DCHS2: variants seen among roughly 807,000 people sequenced by gnomAD.
The protein encoded by DCHS2 is protocadherin-23.
DCHS2 carries 142 observed loss-of-function variants against 182.4 expected under a neutral mutation model. That is an observed-to-expected ratio of 0.78 (90% CI 0.68 to 0.89). The LOEUF (loss-of-function observed/expected upper bound fraction) is 0.89, where lower values mean the gene tolerates loss of function less well. Among genes scored for constraint, DCHS2 ranks in the 40% least tolerant of loss-of-function variants. The probability of loss-of-function intolerance (pLI) is 0.00; values close to 1 mark genes in which losing one functional copy is unlikely to be tolerated. For synonymous variants in DCHS2, 1,740 were observed against 1,663.3 expected (o/e 1.05, Z -1.12); for missense variants, 4,319 against 4,198.6 (o/e 1.03, Z -0.79).
At chr4:154,283,456 C>CA (rs70947155) in intron 13 of DCHS2, among the ~76,000 whole-genome samples, 49,592 of 126,604 alleles carry the variant, frequency 0.39, 8,737 homozygotes, top group Non-Finnish European at 0.46. Flanking sequence ...TAAGTTTAAG[C>CA]AAAAAAAAAA....
intron 9 of DCHS2, among the ~76,000 whole-genome samples, chr4:154,318,678 C>G (rs1458959655): frequency 1.3e-5 from 2 of 151,836 alleles, no homozygotes; most frequent in Non-Finnish European, 2.9e-5. Flanking sequence ...TTGAAAGCCA[C>G]AAAACAATGA....
At chr4:154,259,435 G>C in intron 15 of DCHS2, 110 bp downstream of exon 15, 1 of 1,502,620 alleles carries the variant, frequency 6.7e-7, no homozygotes, top group Non-Finnish European at 8.9e-7. Context: ...TGTACTACAG[G>C]GATTAGAAAT....
intron 1 of DCHS2, among the ~76,000 whole-genome samples, chr4:154,477,477 G>T (rs1166912762): frequency 1.3e-5 from 2 of 152,184 alleles, no homozygotes; most frequent in African/African-American, 4.8e-5. Flanking sequence ...GAGGACTGGG[G>T]AAGAGTCCCT....
At chr4:154,278,507 T>C (rs1733974309) in intron 13 of DCHS2, among the ~76,000 whole-genome samples, 1 of 151,370 alleles carries the variant, frequency 6.6e-6, no homozygotes, top group Non-Finnish European at 1.5e-5. Flanking sequence ...AAAATAGACA[T>C]CCATATTCAT....
At chr4:154,258,186 G>A (rs1234166122) in intron 15 of DCHS2, among the ~76,000 whole-genome samples, 1 of 152,144 alleles carries the variant, frequency 6.6e-6, no homozygotes, top group Non-Finnish European at 1.5e-5. Flanking sequence ...GGTGACTAGA[G>A]CAATCAGGCT....
chr4:154,463,325 C>T (rs557586654), intron 1 of DCHS2, among the ~76,000 whole-genome samples: 40 of 151,950 alleles, frequency 2.6e-4, no homozygotes, highest in African/African-American at 9.2e-4. Flanking sequence ...ATTATATAGG[C>T]TTTTTTCCCC....
In DCHS2 at chr4:154,469,014, C is replaced by CAA. The variant is rs527690691; in HGVS notation, c.2052+20288_2052+20289dup. On this transcript the variant is annotated intron_variant, in intron 1 of 19. Transcript: ENST00000357232. ...ATCATTTCACAACTTACATATATAT[C>CAA]AAAACATCAAGTTGTACACCTTAAA... Among the ~76,000 whole-genome samples the CAA allele has an allele frequency of 4.5e-4, 69 of 152,120 alleles. No homozygotes were observed. In the East Asian group the frequency reaches 0.013, roughly 29 times the overall value.
At chr4:154,341,368 CAAA>C (rs369958308) in intron 3 of DCHS2, among the ~76,000 whole-genome samples, 1 of 58,554 alleles carries the variant, frequency 1.7e-5, no homozygotes. Flanking sequence ...GACTCTGTCT[CAAA>C]AAAAAAAAAA....
intron 7 of DCHS2, among the ~76,000 whole-genome samples, chr4:154,327,279 C>G (rs554268728): frequency 4.9e-4 from 74 of 152,248 alleles, no homozygotes; most frequent in African/African-American, 1.7e-3. Context: ...GCTCCTACCC[C>G]CTTTCATTTT....
At chr4:154,352,892 G>C (rs539869345) in intron 3 of DCHS2, among the ~76,000 whole-genome samples, 2 of 152,266 alleles carry the variant, frequency 1.3e-5, no homozygotes, top group African/African-American at 4.8e-5. Flanking sequence ...CCATTTGAGG[G>C]TAGGGGCAGA....
intron 13 of DCHS2, among the ~76,000 whole-genome samples, chr4:154,291,200 T>C (rs932994931): frequency 3.3e-5 from 5 of 152,080 alleles, no homozygotes; most frequent in African/African-American, 7.2e-5. Flanking sequence ...CTCAACACCA[T>C]TGATTATCAG....
At chr4:154,412,777 GTAT>G (rs1344054847) in intron 1 of DCHS2, among the ~76,000 whole-genome samples, 28 of 152,170 alleles carry the variant, frequency 1.8e-4, no homozygotes, top group Admixed American at 1.8e-3. Flanking sequence ...ATAAGTGTTT[GTAT>G]TATTATTACC....
At chr4:154,485,744 A>C (rs1728559301) in intron 1 of DCHS2, among the ~76,000 whole-genome samples, 1 of 151,598 alleles carries the variant, frequency 6.6e-6, no homozygotes, top group Admixed American at 6.5e-5. Flanking sequence ...TATTTGAGGG[A>C]GTATGAAAGA....
At chr4:154,455,098 A>C (rs537130876) in intron 1 of DCHS2, among the ~76,000 whole-genome samples, 2 of 152,376 alleles carry the variant, frequency 1.3e-5, no homozygotes, top group South Asian at 2.1e-4. Flanking sequence ...TCAGAAGTCC[A>C]GTGTAGTAAA....
intron 10 of DCHS2, among the ~76,000 whole-genome samples, chr4:154,313,401 G>A (rs914214077): frequency 3.9e-5 from 6 of 152,112 alleles, no homozygotes; most frequent in Admixed American, 6.5e-5. Context: ...GGCTTTGAAT[G>A]CCAAATAACA....
At chr4:154,439,599 A>G (rs1002770532) in intron 1 of DCHS2, among the ~76,000 whole-genome samples, 1 of 152,130 alleles carries the variant, frequency 6.6e-6, no homozygotes, top group African/African-American at 2.4e-5. Context: ...AAGGAGCTCT[A>G]TTTTATTATG....
Position 154,472,688 on chromosome 4 carries a change from T to C in DCHS2, c.2052+16616A>G, listed in dbSNP as rs552660671. Among the ~76,000 whole-genome samples, 11 of 152,264 alleles carry C rather than the reference T, an allele frequency of 7.2e-5. No homozygotes were observed. The South Asian group carries it at 1.0e-3, about 14-fold the overall frequency. The stretch of plus-strand genomic sequence containing the variant: ...AACACTGACGGAAGCATAAAGACTT[T>C]GTAAAACTGCCTTGGATATGAAAAC... On this transcript the variant is annotated intron_variant, in intron 1 of 19. Coordinates refer to ENST00000357232, the MANE Select transcript of DCHS2 (RefSeq NM_001358235.2).
Position 154,366,214 on chromosome 4 carries a change from G to A in DCHS2, c.2472C>T (p.Thr824=). 1 of 1,610,450 alleles carries A rather than the reference G, an allele frequency of 6.2e-7. No individual in the cohort carries two copies. The highest frequency in any genetic ancestry group is 8.5e-7 in the Non-Finnish European group (1 of 1,177,134). The stretch of plus-strand genomic sequence containing the variant: ...AACTGTTCCAAGATCACATACCTGT[G>A]GTGGAGTCAATGGTAAAAAGGGACG... ...NVSSLFTIDS[T]TGIIYLTLPL... is the part of the protein sequence containing the mutation. The change falls in exon 3 of 20, where the codon ACC becomes ACT. Residue 824 remains threonine, a synonymous_variant. Coordinates refer to ENST00000357232, the MANE Select transcript of DCHS2 (RefSeq NM_001358235.2).
chr4:154,374,555 C>A (rs991996160), intron 2 of DCHS2, among the ~76,000 whole-genome samples: 1 of 151,942 alleles, frequency 6.6e-6, no homozygotes, highest in Non-Finnish European at 1.5e-5. Context: ...TCAGGGATTC[C>A]TGAAACTACA....
Sources: gnomAD v4.1 joint callset for allele counts (sites outside exome capture counted in the v4.1 genomes callset) on GRCh38, gnomAD v4.1.1 for gene constraint, MANE v1.5 for transcripts, NCBI Gene and HGNC (gene_info 2026-07-23, HGNC 2026-07-21) for gene names.